Variants in CLIC2 observed in about 807,000 individuals in gnomAD.
CLIC2 encodes the protein chloride intracellular channel protein 2.
A neutral mutation model predicts 14.8 loss-of-function variants in CLIC2; 9 were observed. The ratio of observed to expected loss-of-function variants is 0.61; its 90% CI spans 0.37 to 1.06. The LOEUF (loss-of-function observed/expected upper bound fraction) is 1.06, where lower values mean the gene tolerates loss of function less well. Among genes scored for constraint, CLIC2 ranks in the 50% least tolerant of loss-of-function variants. The probability of loss-of-function intolerance (pLI) is 0.01; values close to 1 mark genes in which losing one functional copy is unlikely to be tolerated. For missense variants in CLIC2, 148 were observed against 181.4 expected, an observed-to-expected ratio of 0.82 and a Z score of 1.06; for synonymous variants, 61 against 66.3, an observed-to-expected ratio of 0.92 and a Z score of 0.39.
intron 3 of CLIC2, among the ~76,000 whole-genome samples, chrX:155,294,418 G>A (rs2074985772): frequency 8.9e-6 from 1 of 111,749 alleles, no homozygotes; most frequent in Non-Finnish European, 1.9e-5. Flanking sequence ...TAAGAGGCAA[G>A]CTTATAGCAA....
intron 1 of CLIC2, among the ~76,000 whole-genome samples, chrX:155,316,378 T>C (rs1557321086): frequency 9.0e-6 from 1 of 111,613 alleles, no homozygotes; most frequent in Non-Finnish European, 1.9e-5. Flanking sequence ...AAAACAAGTC[T>C]CAGTAAATTT....
chrX:155,285,147 C>G (rs2074936973), intron 3 of CLIC2, among the ~76,000 whole-genome samples: 1 of 112,268 alleles, frequency 8.9e-6, no homozygotes, highest in African/African-American at 3.2e-5. Flanking sequence ...TTCCCATATC[C>G]AGCAATATGG....
intron 1 of CLIC2, 22 bp from the exon 2 acceptor site, chrX:155,299,167 T>C (rs782495285): frequency 9.0e-6 from 10 of 1,116,044 alleles, no homozygotes; most frequent in Non-Finnish European, 1.2e-5. Context: ...AAGAGAGACC[T>C]CAGTTCATTT....
At chrX:155,323,183 T>C (rs1426152193) in intron 1 of CLIC2, among the ~76,000 whole-genome samples, 1 of 111,803 alleles carries the variant, frequency 8.9e-6, no homozygotes, top group Non-Finnish European at 1.9e-5. Context: ...CATTTTATGA[T>C]GCCAATTTCA....
chrX:155,299,006 T>C lies in CLIC2; in HGVS notation c.167+30A>G. 4 of 1,182,360 alleles carry C rather than the reference T, an allele frequency of 3.4e-6. No individual in the cohort carries two copies. The East Asian group carries it at 1.2e-4, about 35-fold the overall frequency. On this transcript the variant is annotated intron_variant, in intron 2 of 5. Transcript: ENST00000369449. Reference sequence around the variant, plus strand: ...ATTGGTATCTACCAATCTCAATTCCTAGAATTTAACATGTCCTGATTTCTC... The same window carrying C: ...ATTGGTATCTACCAATCTCAATTCCCAGAATTTAACATGTCCTGATTTCTC...
chrX:155,289,469 T>C (rs1443494602), intron 3 of CLIC2, among the ~76,000 whole-genome samples: 2 of 112,113 alleles, frequency 1.8e-5, no homozygotes, highest in Non-Finnish European at 3.8e-5. Flanking sequence ...TTATCTGTGC[T>C]AGCCTGTTAA....
intron 5 of CLIC2, 153 bp downstream of exon 5, chrX:155,278,996 C>G (rs1250235105): frequency 3.9e-6 from 2 of 510,412 alleles, no homozygotes; most frequent in Non-Finnish European, 6.9e-6. Flanking sequence ...TGGATCTTCC[C>G]TCTAAAGAGA....
intron 1 of CLIC2, among the ~76,000 whole-genome samples, chrX:155,314,492 G>A (rs1478254754): frequency 2.7e-5 from 3 of 111,788 alleles, no homozygotes; most frequent in African/African-American, 6.5e-5. Context: ...AACAATCACC[G>A]CAGTTCGGCT....
chrX:155,288,581 T>C (rs2074951279), intron 3 of CLIC2, among the ~76,000 whole-genome samples: 1 of 111,782 alleles, frequency 8.9e-6, no homozygotes, highest in Admixed American at 9.5e-5. Flanking sequence ...CCAGGATTCT[T>C]AATGCAATAG....
chrX:155,304,970 C>G (rs1271382345), intron 1 of CLIC2, among the ~76,000 whole-genome samples: 3 of 108,247 alleles, frequency 2.8e-5, no homozygotes, highest in Non-Finnish European at 3.9e-5. Context: ...GGGAGAACCA[C>G]TGCTCTCTTC....
intron 4 of CLIC2, among the ~76,000 whole-genome samples, chrX:155,279,580 G>GAAA (rs1557316202): frequency 9.0e-6 from 1 of 111,710 alleles, no homozygotes; most frequent in Non-Finnish European, 1.9e-5. Context: ...AAGAAAGAAA[G>GAAA]AAAAGTGATC....
chrX:155,313,925 C>T (rs907312410), intron 1 of CLIC2, among the ~76,000 whole-genome samples: 8 of 111,635 alleles, frequency 7.2e-5, no homozygotes, highest in African/African-American at 2.6e-4. Flanking sequence ...CTTTCCCCTA[C>T]TTCCTTGGTG....
In CLIC2 at chrX:155,277,848, T is replaced by C. The variant is rs2074903992; in HGVS notation, c.*55A>G. ...CTTATTTGCAAAAACCTTTCTAATA[T>C]GTCAATAAGTAAAATCTGATCACAA... On this transcript the variant is annotated 3_prime_UTR_variant, in exon 6 of 6. Transcript: ENST00000369449. The C allele has an allele frequency of 1.9e-6, 2 of 1,072,711 alleles. No individual in the cohort carries two copies. The highest frequency in any genetic ancestry group is 6.0e-5 in the East Asian group (2 of 33,200). 88.4% of individuals were successfully genotyped at this position (1,072,711 alleles called of 1,213,427 possible).
intron 1 of CLIC2, among the ~76,000 whole-genome samples, chrX:155,303,142 T>C (rs1405137145): frequency 2.2e-5 from 2 of 92,530 alleles, no homozygotes; most frequent in African/African-American, 7.6e-5. Context: ...CCTTGTTGAC[T>C]TTCTGTCTCG....
chrX:155,316,889 C>T (rs1396136274), intron 1 of CLIC2, among the ~76,000 whole-genome samples: 1 of 110,884 alleles, frequency 9.0e-6, no homozygotes, highest in Non-Finnish European at 1.9e-5. Context: ...TATATTCTAG[C>T]CATGCTGGCA....
chrX:155,286,255 T>C (rs2074942532), intron 3 of CLIC2, among the ~76,000 whole-genome samples: 1 of 112,333 alleles, frequency 8.9e-6, no homozygotes, highest in African/African-American at 3.2e-5. Flanking sequence ...CCTGTGTTAG[T>C]TTGCTAAGAA....
chrX:155,330,359 C>A (rs1389515481), intron 1 of CLIC2, among the ~76,000 whole-genome samples: 1 of 110,297 alleles, frequency 9.1e-6, no homozygotes, highest in African/African-American at 3.3e-5. Context: ...AGTTAAAGAA[C>A]AATTAAAATG....
At chrX:155,316,192 C>T (rs1272086771) in intron 1 of CLIC2, among the ~76,000 whole-genome samples, 1 of 111,521 alleles carries the variant, frequency 9.0e-6, no homozygotes, top group African/African-American at 3.3e-5. Context: ...CTACTGACAG[C>T]ACTAGACAGG....
At chrX:155,313,733 G>T (rs1323405930) in intron 1 of CLIC2, among the ~76,000 whole-genome samples, 1 of 111,875 alleles carries the variant, frequency 8.9e-6, no homozygotes, top group Non-Finnish European at 1.9e-5. Flanking sequence ...TCCCTGAGAT[G>T]CTGAAAAACT....
Sources: allele counts gnomAD v4.1 joint callset (sites outside exome capture counted in the v4.1 genomes callset), GRCh38; gene constraint gnomAD v4.1.1; transcripts MANE v1.5; gene names NCBI Gene and HGNC (gene_info 2026-07-23, HGNC 2026-07-21).